DDX60: variants seen among roughly 807,000 people sequenced by gnomAD.
The protein encoded by DDX60 is DExD/H-box helicase 60.
Under a neutral mutation model 212.8 loss-of-function variants are expected in DDX60, and 165 were observed. The observed-to-expected ratio is 0.78, with a 90% CI of 0.68 to 0.88. The LOEUF is 0.88. Ranked by LOEUF, DDX60 falls within the 40% of genes least tolerant of loss-of-function variation. The probability of loss-of-function intolerance (pLI) is 0.00; values close to 1 mark genes in which losing one functional copy is unlikely to be tolerated. For synonymous variants in DDX60, 703 were observed against 685.3 expected, an observed-to-expected ratio of 1.03 and a Z score of -0.40; for missense variants, 1,905 against 2,003.9, an observed-to-expected ratio of 0.95 and a Z score of 0.94.
At chr4:168,254,219 C>T (rs1033515177) in intron 26 of DDX60, among the ~76,000 whole-genome samples, 1 of 152,196 alleles carries the variant, frequency 6.6e-6, no homozygotes, top group Non-Finnish European at 1.5e-5. Context: ...GTCTCCTTAG[C>T]TCCACTGGCC....
At chr4:168,308,708 G>GTA (rs1736999863) in intron 3 of DDX60, among the ~76,000 whole-genome samples, 1 of 147,656 alleles carries the variant, frequency 6.8e-6, no homozygotes, top group Non-Finnish European at 1.5e-5. Context: ...TATTATATAT[G>GTA]TATATATATT....
chr4:168,275,545 T>C, intron 15 of DDX60, 42 bp from the exon 16 acceptor site: 2 of 1,500,444 alleles, frequency 1.3e-6, no homozygotes, highest in Non-Finnish European at 1.8e-6. Flanking sequence ...GACATTGAAT[T>C]AGAATATCAT....
At position 168,293,818 on chromosome 4, in the gene DDX60, G is replaced by A. The variant is rs1248685059; in HGVS notation, c.851C>T (p.Pro284Leu). Residue 284 changes from proline to leucine, a missense_variant, in exon 7 of 38, where the codon CCC becomes CTC. Coordinates refer to ENST00000393743, the MANE Select transcript of DDX60 (RefSeq NM_017631.6). ...GATCTCAGTTTCCTGACCAGAGGAG[G>A]GCTCTCTGTTTCCTAAAAAGCGATG... ...MYHRFLGNREPSSGQETEIQQ... is the reference protein window; with the variant it reads ...MYHRFLGNRELSSGQETEIQQ... 1.5e-5 allele frequency: 24 copies of A among 1,613,318 alleles called. No homozygotes were observed. The highest frequency in any genetic ancestry group is 1.8e-5 in the Non-Finnish European group (21 of 1,179,738).
intron 12 of DDX60, 104 bp from the exon 13 acceptor site, chr4:168,283,710 A>C (rs1465420545): frequency 1.0e-5 from 8 of 771,876 alleles, no homozygotes; most frequent in Non-Finnish European, 1.6e-5. Context: ...TTAGTGGAAA[A>C]GTAATTTAAT....
intron 26 of DDX60, among the ~76,000 whole-genome samples, chr4:168,253,473 G>C (rs949267306): frequency 3.3e-5 from 5 of 152,064 alleles, no homozygotes; most frequent in Non-Finnish European, 7.4e-5. Context: ...GCCCTAAACT[G>C]ACAGAGGCCT....
At position 168,318,714 on chromosome 4, in the gene DDX60, G is replaced by T. The variant is rs1320123389; in HGVS notation, c.-199C>A. Reference sequence around the variant, plus strand: ...AGAGACCTAGCGCAGAGCCCAGGTGGAAGTTCCAGGTTACCCCAGACCTGG... The same window carrying T: ...AGAGACCTAGCGCAGAGCCCAGGTGTAAGTTCCAGGTTACCCCAGACCTGG... On this transcript the variant is annotated 5_prime_UTR_variant, in exon 1 of 38. Coordinates refer to ENST00000393743, the MANE Select transcript of DDX60 (RefSeq NM_017631.6). 1 of 152,322 alleles carries T rather than the reference G, an allele frequency of 6.6e-6. No homozygotes were observed. Among genetic ancestry groups the T allele is most frequent in the Admixed American group, 6.5e-5 (1 of 15,288 alleles). The allele number at this position is 152,322 out of a possible 1,614,324, so 9.4% of individuals were successfully genotyped here.
chr4:168,306,353 G>T (rs1339794629), intron 5 of DDX60, 26 bp downstream of exon 5: 5 of 1,541,450 alleles, frequency 3.2e-6, no homozygotes, highest in Non-Finnish European at 4.4e-6. Context: ...ATTTCTAGAA[G>T]AAATTGTCTT....
intron 30 of DDX60, 46 bp from the exon 31 acceptor site, chr4:168,237,841 G>A (rs199827681): frequency 5.6e-5 from 77 of 1,373,002 alleles, no homozygotes; most frequent in Middle Eastern, 3.7e-4. Flanking sequence ...TAAGTGTTAC[G>A]AAATACGTTT....
At chr4:168,242,183 T>G (rs533170449) in intron 30 of DDX60, among the ~76,000 whole-genome samples, 1 of 152,250 alleles carries the variant, frequency 6.6e-6, no homozygotes, top group East Asian at 1.9e-4. Context: ...CAGGCAGAAG[T>G]TTGCTGCAGA....
At chr4:168,305,680 T>C (rs1054928048) in intron 5 of DDX60, among the ~76,000 whole-genome samples, 9 of 150,216 alleles carry the variant, frequency 6.0e-5, no homozygotes, top group African/African-American at 2.2e-4. Context: ...AATTTATAAA[T>C]ATATCCGTAT....
At chr4:168,297,318 GAAA>G (rs1736408573) in intron 6 of DDX60, among the ~76,000 whole-genome samples, 1 of 47,880 alleles carries the variant, frequency 2.1e-5, no homozygotes, top group East Asian at 5.0e-4. Context: ...AAGAAAGAAA[GAAA>G]GAAAGAAAGA....
intron 14 of DDX60, 142 bp from the exon 15 acceptor site, chr4:168,276,323 T>C (rs1339123841): frequency 1.7e-6 from 1 of 604,718 alleles, no homozygotes; most frequent in Non-Finnish European, 2.7e-6. Flanking sequence ...CCAAATAAAG[T>C]AAAATTGAAG....
chr4:168,293,368 TTG>T (rs1736191892), intron 7 of DDX60, among the ~76,000 whole-genome samples: 1 of 152,210 alleles, frequency 6.6e-6, no homozygotes, highest in Non-Finnish European at 1.5e-5. Context: ...TACGTTTGGT[TTG>T]AAAAATGTTA....
chr4:168,252,779 C>T (rs915875700), intron 26 of DDX60, 123 bp from the exon 27 acceptor site: 30 of 611,384 alleles, frequency 4.9e-5, no homozygotes, highest in South Asian at 2.7e-4. Flanking sequence ...CAGACTTCCA[C>T]GGCTGTGCAT....
chr4:168,265,782 A>AT lies in DDX60; in HGVS notation c.3039+1799dup, dbSNP rs370221985. Among the ~76,000 whole-genome samples the AT allele has an allele frequency of 3.5e-3, 517 of 148,980 alleles. 4 individuals carry two copies. Among genetic ancestry groups the AT allele is most frequent in the African/African-American group, 0.012 (487 of 40,800 alleles). ...TGCCACATAATGATGAAAATGTCAG[A>AT]TAACTCCTGGATATCATAAAGGAAA... On this transcript the variant is annotated intron_variant, in intron 22 of 37. Transcript: ENST00000393743.
the DDX60 span, among the ~76,000 whole-genome samples, chr4:168,325,074 G>A: frequency 6.6e-6 from 1 of 152,202 alleles, no homozygotes; most frequent in Non-Finnish European, 1.5e-5. Context: ...GATAGAATCA[G>A]TAACTTTTTT....
intron 6 of DDX60, among the ~76,000 whole-genome samples, chr4:168,296,622 T>C (rs1033144298): frequency 6.6e-6 from 1 of 152,090 alleles, no homozygotes; most frequent in Non-Finnish European, 1.5e-5. Flanking sequence ...ATTAAATTAA[T>C]TGGATTGGAT....
intron 33 of DDX60, among the ~76,000 whole-genome samples, chr4:168,231,322 TAGAG>T (rs1482103484): frequency 6.6e-6 from 1 of 151,380 alleles, no homozygotes; most frequent in Non-Finnish European, 1.5e-5. Flanking sequence ...TTTCAAAAGA[TAGAG>T]AAAGAGGGAA....
At chr4:168,220,950 G>A (rs1438394473) in intron 36 of DDX60, among the ~76,000 whole-genome samples, 1 of 152,052 alleles carries the variant, frequency 6.6e-6, no homozygotes, top group African/African-American at 2.4e-5. Flanking sequence ...ATAGGAGGCT[G>A]GCCATCTCAG....
Sources: gnomAD v4.1 joint callset for allele counts (sites outside exome capture counted in the v4.1 genomes callset) on GRCh38, gnomAD v4.1.1 for gene constraint, MANE v1.5 for transcripts, NCBI Gene and HGNC (gene_info 2026-07-23, HGNC 2026-07-21) for gene names.